The following DNM2 variants were observed in gnomAD, a reference collection of about 807,000 sequenced individuals.
DNM2 encodes the protein dynamin 2, also known as dynamin-2.
In DNM2, 15 loss-of-function variants were observed where a neutral mutation model predicts 99.0. The observed-to-expected ratio is 0.15, with a 90% CI of 0.10 to 0.23. DNM2 has a LOEUF of 0.23. Ranked by LOEUF, DNM2 falls within the 10% of genes least tolerant of loss-of-function variation. The pLI, the probability that DNM2 is intolerant of heterozygous loss-of-function variation, is 1.00. For synonymous variants in DNM2, 525 were observed against 481.2 expected (o/e 1.09, Z -1.19); for missense variants, 742 against 1,189.4 (o/e 0.62, Z 5.53).
chr19:10,824,647 T>G (rs1284687645), intron 17 of DNM2: 19 of 235,576 alleles, frequency 8.1e-5, no homozygotes, highest in Non-Finnish European at 4.2e-5. Flanking sequence ...CTCCAAAAAA[T>G]ACAAACATAC....
intron 5 of DNM2, among the ~76,000 whole-genome samples, chr19:10,782,372 C>CTTTTTCTGTTTT (rs572331915): frequency 6.6e-6 from 1 of 150,676 alleles, no homozygotes; most frequent in South Asian, 2.1e-4. Flanking sequence ...TTTTCTCTTT[C>CTTTTTCTGTTTT]TTTTTATTCA....
chr19:10,733,603 A>G (rs2069415203), intron 1 of DNM2, among the ~76,000 whole-genome samples: 1 of 152,190 alleles, frequency 6.6e-6, no homozygotes, highest in Admixed American at 6.5e-5. Context: ...CTAATTTTAT[A>G]TTTCTTACAA....
chr19:10,767,018 A>G lies in DNM2; in HGVS notation c.236-5461A>G, dbSNP rs556423567. On this transcript the variant is annotated intron_variant, in intron 2 of 20. Transcript: ENST00000389253. ...GCTTTGCAGTTTGCCGAGGAATTAC[A>G]GGAACTGGCTTTGGTATCTGGAAAT... Among the ~76,000 whole-genome samples, 5 of 152,228 alleles carry G rather than the reference A, an allele frequency of 3.3e-5. No homozygotes were observed. The South Asian group carries it at 1.0e-3, about 32-fold the overall frequency.
chr19:10,742,204 C>G (rs1234086640), intron 1 of DNM2, among the ~76,000 whole-genome samples: 2 of 152,080 alleles, frequency 1.3e-5, no homozygotes, highest in African/African-American at 2.4e-5. Flanking sequence ...GTCTGCTATG[C>G]TCAGGGTGGA....
At chr19:10,788,895 G>C (rs775497154) in intron 7 of DNM2, among the ~76,000 whole-genome samples, 6 of 152,234 alleles carry the variant, frequency 3.9e-5, no homozygotes, top group Middle Eastern at 3.2e-3. Context: ...GGCCATCACA[G>C]CCCTGGCATC....
intron 7 of DNM2, among the ~76,000 whole-genome samples, chr19:10,788,644 A>T (rs2145988483): frequency 6.6e-6 from 1 of 152,232 alleles, no homozygotes; most frequent in East Asian, 1.9e-4. Flanking sequence ...CCACCCCATG[A>T]CTTGGTTGGT....
rs1307451641 is a variant in DNM2, at chr19:10,820,180, G to A, written c.1781+91G>A. The A allele has an allele frequency of 1.6e-6, 2 of 1,261,462 alleles. No individual in the cohort carries two copies. The highest frequency in any genetic ancestry group is 2.9e-5 in the African/African-American group (2 of 67,822). The allele number at this position is 1,261,462 out of a possible 1,614,324, so 78.1% of individuals were successfully genotyped here. Reference sequence around the variant, plus strand: ...ACCTTCACTGAGCACTGAGCACCTGGCTGTCAGCAGTCCCTGCCCTTGGGA... The same window carrying A: ...ACCTTCACTGAGCACTGAGCACCTGACTGTCAGCAGTCCCTGCCCTTGGGA... On this transcript the variant is annotated intron_variant, in intron 16 of 20. Coordinates refer to ENST00000389253, the MANE Select transcript of DNM2 (RefSeq NM_001005361.3). The surrounding 1 kb of genome is among the most constrained non-coding windows in gnomAD (Gnocchi z 4.3).
At chr19:10,776,390 C>T (rs2071156103) in intron 4 of DNM2, among the ~76,000 whole-genome samples, 1 of 152,194 alleles carries the variant, frequency 6.6e-6, no homozygotes, top group African/African-American at 2.4e-5. Flanking sequence ...CTAGTCAGAT[C>T]CTTCTACTGA....
chr19:10,799,596 C>T (rs1303125979), intron 11 of DNM2, among the ~76,000 whole-genome samples: 5 of 148,732 alleles, frequency 3.4e-5, no homozygotes, highest in East Asian at 2.0e-4. Context: ...TGCAGTGGCA[C>T]GATCTTGACT....
chr19:10,805,713 C>T (rs1479961685), intron 12 of DNM2, among the ~76,000 whole-genome samples: 2 of 152,136 alleles, frequency 1.3e-5, no homozygotes, highest in African/African-American at 4.8e-5. Flanking sequence ...GCCTAGAAGC[C>T]TCAATTGAAC....
intron 13 of DNM2, among the ~76,000 whole-genome samples, chr19:10,806,660 G>C (rs2072345200): frequency 6.6e-6 from 1 of 152,132 alleles, no homozygotes; most frequent in Admixed American, 6.6e-5. Context: ...AGGCGTGGTG[G>C]CACGCGCCTG....
rs2070831664 is a variant in DNM2 at position 10,767,344 on chromosome 19, C to A, written c.236-5135C>A. Among the ~76,000 whole-genome samples, 3 of 152,286 alleles carry A rather than the reference C, an allele frequency of 2.0e-5. No individual in the cohort carries two copies. The South Asian group carries it at 6.2e-4, about 32-fold the overall frequency. ...TTTTGAGACAGGGTCTCTGGCCTCCCCTTGTCATCCAGGCTGGAGTGCAGT... is the reference window on the plus strand; with the variant it reads ...TTTTGAGACAGGGTCTCTGGCCTCCACTTGTCATCCAGGCTGGAGTGCAGT... On this transcript the variant is annotated intron_variant, in intron 2 of 20. Coordinates refer to ENST00000389253, the MANE Select transcript of DNM2 (RefSeq NM_001005361.3).
chr19:10,732,375 C>T (rs1340162857), intron 1 of DNM2, among the ~76,000 whole-genome samples: 46 of 148,002 alleles, frequency 3.1e-4, no homozygotes, highest in African/African-American at 9.6e-4. Flanking sequence ...CCGAGGCGGG[C>T]GGATCACGAG....
In DNM2 at chr19:10,795,009, T is replaced by C. The variant is rs1431700740; in HGVS notation, c.1129-363T>C. ...ATCACAGCTCACTGCAGCTTCGACC[T>C]TCCTGGGCTCGGATGATCCTCCCAC... On this transcript the variant is annotated intron_variant, in intron 8 of 20. Transcript: ENST00000389253. The surrounding 1 kb of genome is among the most constrained non-coding windows in gnomAD (Gnocchi z 4.2). 1.3e-5 allele frequency among the ~76,000 whole-genome samples: 2 copies of C among 152,108 alleles called. No individual in the cohort carries two copies. Among genetic ancestry groups the C allele is most frequent in the African/African-American group, 4.8e-5 (2 of 41,436 alleles).
In DNM2 at chr19:10,758,430, C is replaced by CTT. The variant is rs1372476918; in HGVS notation, c.162-1308_162-1307insTT. On this transcript the variant is annotated intron_variant, in intron 1 of 20. Coordinates refer to ENST00000389253, the MANE Select transcript of DNM2 (RefSeq NM_001005361.3). ...CCCTCCTTCCTTCCCTCCCTCCTTC[C>CTT]CTCCCTCCCTCCTTCCTTCCCTCCC... Among the ~76,000 whole-genome samples, 54 of 59,656 alleles carry CTT rather than the reference C, an allele frequency of 9.1e-4. 3 individuals are homozygous for CTT. Among genetic ancestry groups the CTT allele is most frequent in the South Asian group, 3.2e-3 (4 of 1,248 alleles). 39.1% of individuals were successfully genotyped at this position (59,656 alleles called of 152,430 possible). A position where few individuals can be genotyped will look rare whatever the true frequency, so the allele number is the denominator to read the frequency against.
intron 5 of DNM2, among the ~76,000 whole-genome samples, chr19:10,780,918 T>G (rs2071346596): frequency 6.6e-6 from 1 of 150,864 alleles, no homozygotes; most frequent in African/African-American, 2.4e-5. Context: ...CTCGAGAGGC[T>G]GAGACATGAG....
rs2073280394 is a variant in DNM2 at position 10,830,035 on chromosome 19, A to G, written c.2292-92A>G. 6.3e-7 allele frequency: 1 copy of G among 1,579,822 alleles called. No homozygotes were observed. The highest frequency in any genetic ancestry group is 8.7e-7 in the Non-Finnish European group (1 of 1,149,206). On this transcript the variant is annotated intron_variant, in intron 19 of 20. Transcript: ENST00000389253. This position sits in a 1 kb window ranked among gnomAD's most constrained non-coding sequence, Gnocchi z 4.8. ...CTGCGCCTGCGCTGTCCCCATAGCC[A>G]GCCCCCACCTCAGGTTCTGGCAGCC...
At chr19:10,758,069 AG>A (rs2070461618) in intron 1 of DNM2, among the ~76,000 whole-genome samples, 1 of 151,858 alleles carries the variant, frequency 6.6e-6, no homozygotes, top group South Asian at 2.1e-4. Flanking sequence ...TTTCTACTTC[AG>A]TCCTCACTGG....
chr19:10,801,766 G>T (rs1047097457), intron 11 of DNM2, among the ~76,000 whole-genome samples: 8 of 151,564 alleles, frequency 5.3e-5, no homozygotes. Context: ...TTAGCTGGGC[G>T]TGGTGGCAGG....
Sources: gnomAD v4.1 joint callset for allele counts (sites outside exome capture counted in the v4.1 genomes callset) on GRCh38, gnomAD v4.1.1 for gene constraint, Gnocchi (gnomAD v3.1) non-coding constraint, MANE v1.5 for transcripts, NCBI Gene and HGNC (gene_info 2026-07-23, HGNC 2026-07-21) for gene names.